ASAH2B: variants seen among roughly 807,000 people sequenced by gnomAD.
The protein encoded by ASAH2B is N-acylsphingosine amidohydrolase 2B.
A neutral mutation model predicts 2.9 loss-of-function variants in ASAH2B; 1 was observed. The ratio of observed to expected loss-of-function variants is 0.34; its 90% confidence interval spans 0.12 to 1.63. ASAH2B has a LOEUF of 1.63. ASAH2B is among the 40% of genes most tolerant of loss of function. The pLI is 0.36. For synonymous variants in ASAH2B, 4 were observed against 13.3 expected (o/e 0.30, Z 1.52); for missense variants, 9 against 37.7 (o/e 0.24, Z 1.99).
chr10:50,747,291 T>C (rs1839921935), intron 3 of ASAH2B, among the ~76,000 whole-genome samples: 2 of 151,506 alleles, frequency 1.3e-5, no homozygotes, highest in Admixed American at 1.3e-4. Context: ...AATCAATTTA[T>C]CATAAATGTG....
chr10:50,743,337 A>G (rs1471606051), intron 2 of ASAH2B, among the ~76,000 whole-genome samples: 2 of 151,198 alleles, frequency 1.3e-5, no homozygotes, highest in African/African-American at 4.9e-5. Flanking sequence ...AGGCTTGAAG[A>G]TAAGTGATGA....
Position 50,756,406 on chromosome 10 carries a change from CCA to C in ASAH2B, c.*1669_*1670del, listed in dbSNP as rs1207619483. The stretch of plus-strand genomic sequence containing the variant: ...TGTTGTGATCTTTTTTCTGATGACG[CCA>C]CAGTCTTCAGTGTAAAAGTTCAGAA... On this transcript the variant is annotated 3_prime_UTR_variant, in exon 6 of 6. Transcript: ENST00000647317. 3 of 151,802 alleles carry C rather than the reference CCA, an allele frequency of 2.0e-5. No homozygotes were observed. The highest frequency in any genetic ancestry group is 4.4e-5 in the Non-Finnish European group (3 of 67,814). The allele number at this position is 151,802 out of a possible 1,614,324, so 9.4% of individuals were successfully genotyped here. A position where few individuals can be genotyped will look rare whatever the true frequency, so the allele number is the denominator to read the frequency against.
chr10:50,745,588 T>G (rs1282185969), intron 3 of ASAH2B, among the ~76,000 whole-genome samples: 6 of 141,542 alleles, frequency 4.2e-5, no homozygotes, highest in Non-Finnish European at 7.7e-5. Context: ...GCAGAATTTG[T>G]ACCATTACTA....
At chr10:50,743,932 C>T (rs1564470206) in intron 2 of ASAH2B, among the ~76,000 whole-genome samples, 1 of 143,782 alleles carries the variant, frequency 7.0e-6, no homozygotes, top group South Asian at 2.3e-4. Flanking sequence ...ATCAGTCGAA[C>T]GTTGAAAATT....
At chr10:50,754,166 C>CACAT (rs1554805691) in intron 5 of ASAH2B, among the ~76,000 whole-genome samples, 118 of 144,492 alleles carry the variant, frequency 8.2e-4, no homozygotes, top group East Asian at 6.9e-3. Flanking sequence ...TACACACACA[C>CACAT]ATATATATAT....
At position 50,758,571 on chromosome 10, in the gene ASAH2B, C is replaced by A. The variant is rs1316203433; in HGVS notation, c.*3831C>A. ...AATAATATCTGCATATCCAAATTAACTGCTCTTTGAAATAATTAGAACTCG... is the reference window on the plus strand; with the variant it reads ...AATAATATCTGCATATCCAAATTAAATGCTCTTTGAAATAATTAGAACTCG... On this transcript the variant is annotated 3_prime_UTR_variant, in exon 6 of 6. Coordinates refer to ENST00000647317, the MANE Select transcript of ASAH2B (RefSeq NM_001321958.2). 1.3e-5 allele frequency: 2 copies of A among 150,812 alleles called. No individual in the cohort carries two copies. The highest frequency in any genetic ancestry group is 6.6e-5 in the Admixed American group (1 of 15,038). The allele number at this position is 150,812 out of a possible 1,614,324, so 9.3% of individuals were successfully genotyped here.
In ASAH2B at chr10:50,756,633, G is replaced by A. The variant is rs1183136344; in HGVS notation, c.*1893G>A. ...ATAGCTCACTGGCAACTGTACCAAG[G>A]TGGCCACTGTATCATCTACTGATCC... On this transcript the variant is annotated 3_prime_UTR_variant, in exon 6 of 6. Transcript: ENST00000647317. 1 of 151,962 alleles carries A rather than the reference G, an allele frequency of 6.6e-6. No individual in the cohort carries two copies. Among genetic ancestry groups the A allele is most frequent in the Non-Finnish European group, 1.5e-5 (1 of 67,902 alleles). 9.4% of individuals were successfully genotyped at this position (151,962 alleles called of 1,614,324 possible).
rs1837104665 is a variant in ASAH2B at position 50,756,877 on chromosome 10, G to A, written c.*2137G>A. On this transcript the variant is annotated 3_prime_UTR_variant, in exon 6 of 6. Coordinates refer to ENST00000647317, the MANE Select transcript of ASAH2B (RefSeq NM_001321958.2). ...ATATAAAAACACAGATCCAATTCGT[G>A]TCTGTGGATGCTGCAAGGACTGGCT... 2.6e-5 allele frequency: 4 copies of A among 151,828 alleles called. No homozygotes were observed. Among genetic ancestry groups the A allele is most frequent in the Admixed American group, 2.6e-4 (4 of 15,220 alleles). The allele number at this position is 151,828 out of a possible 1,614,324, so 9.4% of individuals were successfully genotyped here.
rs995836361 is a variant in ASAH2B at position 50,757,456 on chromosome 10, A to C, written c.*2716A>C. The stretch of plus-strand genomic sequence containing the variant: ...GGGCAAAAAAATTTCCTAGGCAGGT[A>C]GCTAACTATGAAATTGTTTCCTGCG... On this transcript the variant is annotated 3_prime_UTR_variant, in exon 6 of 6. Coordinates refer to ENST00000647317, the MANE Select transcript of ASAH2B (RefSeq NM_001321958.2). 6.6e-5 allele frequency: 10 copies of C among 150,858 alleles called. No individual in the cohort carries two copies. Among genetic ancestry groups the C allele is most frequent in the Admixed American group, 3.3e-4 (5 of 15,024 alleles). 9.3% of individuals were successfully genotyped at this position (150,858 alleles called of 1,614,324 possible).
In ASAH2B at chr10:50,756,302, C is replaced by A. The variant is rs1361601103; in HGVS notation, c.*1562C>A. 2 of 151,534 alleles carry A rather than the reference C, an allele frequency of 1.3e-5. No homozygotes were observed. Among genetic ancestry groups the A allele is most frequent in the South Asian group, 2.1e-4 (1 of 4,822 alleles). 9.4% of individuals were successfully genotyped at this position (151,534 alleles called of 1,614,324 possible). A position where few individuals can be genotyped will look rare whatever the true frequency, so the allele number is the denominator to read the frequency against. The stretch of plus-strand genomic sequence containing the variant: ...ATTGAATTAGAATGAACCTGGAACA[C>A]TTTTTGATGAATTGGTATCCTAGAG... On this transcript the variant is annotated 3_prime_UTR_variant, in exon 6 of 6. Coordinates refer to ENST00000647317, the MANE Select transcript of ASAH2B (RefSeq NM_001321958.2).
intron 3 of ASAH2B, among the ~76,000 whole-genome samples, chr10:50,746,952 T>G (rs1048533329): frequency 1.3e-5 from 2 of 150,808 alleles, no homozygotes; most frequent in East Asian, 3.9e-4. Context: ...TTCTTTAGGT[T>G]GTCTCCTCAC....
At chr10:50,746,086 T>A (rs1839900960) in intron 3 of ASAH2B, among the ~76,000 whole-genome samples, 1 of 151,456 alleles carries the variant, frequency 6.6e-6, no homozygotes, top group South Asian at 2.1e-4. Context: ...CTCTTGAACT[T>A]ATTCCCTTTG....
chr10:50,754,923 TG>T lies in ASAH2B; in HGVS notation c.*184del. 1 of 359,678 alleles carries T rather than the reference TG, an allele frequency of 2.8e-6. No homozygotes were observed. Among genetic ancestry groups the T allele is most frequent in the Non-Finnish European group, 5.2e-6 (1 of 190,630 alleles). The allele number at this position is 359,678 out of a possible 1,614,324, so 22.3% of individuals were successfully genotyped here. A position where few individuals can be genotyped will look rare whatever the true frequency, so the allele number is the denominator to read the frequency against. On this transcript the variant is annotated 3_prime_UTR_variant, in exon 6 of 6. Transcript: ENST00000647317. ...GTGTGTGTGTGTGTGTGTGTGTGTG[TG>T]TGTGTGTGTGTGTATGTGAGAGAGA... is the stretch of plus-strand genomic sequence containing the variant.
At chr10:50,743,625 G>A (rs1171657772) in intron 2 of ASAH2B, 1 of 152,434 alleles carries the variant, frequency 6.6e-6, no homozygotes, top group Non-Finnish European at 1.5e-5. Context: ...TAAAAACATT[G>A]CATCTACCTA....
chr10:50,743,880 T>C (rs1839869462), intron 2 of ASAH2B: 1 of 151,558 alleles, frequency 6.6e-6, no homozygotes, highest in African/African-American at 2.4e-5. Context: ...AGCTTGGATA[T>C]ATTAAATTGA....
intron 1 of ASAH2B, among the ~76,000 whole-genome samples, chr10:50,740,365 G>T (rs1839810322): frequency 6.6e-6 from 1 of 151,958 alleles, no homozygotes; most frequent in South Asian, 2.1e-4. Context: ...ACATAACCTC[G>T]GAAATCCCAC....
At chr10:50,747,302 A>C (rs564800238) in intron 3 of ASAH2B, among the ~76,000 whole-genome samples, 47 of 151,056 alleles carry the variant, frequency 3.1e-4, no homozygotes, top group African/African-American at 9.1e-4. Flanking sequence ...CATAAATGTG[A>C]GGGCTTATTT....
intron 2 of ASAH2B, among the ~76,000 whole-genome samples, chr10:50,743,947 A>AT (rs1342875827): frequency 2.4e-5 from 2 of 82,678 alleles, no homozygotes; most frequent in Non-Finnish European, 3.3e-5. Flanking sequence ...AAAATTTCAT[A>AT]TGCCTGTATT....
At chr10:50,746,122 A>T (rs553769683) in intron 3 of ASAH2B, among the ~76,000 whole-genome samples, 6 of 151,554 alleles carry the variant, frequency 4.0e-5, no homozygotes, top group Admixed American at 3.9e-4. Context: ...ATATTCTTTG[A>T]TCAATAGAAT....
Sources: gnomAD v4.1 joint callset for allele counts (sites outside exome capture counted in the v4.1 genomes callset) on GRCh38, gnomAD v4.1.1 for gene constraint, MANE v1.5 for transcripts, NCBI Gene and HGNC (gene_info 2026-07-23, HGNC 2026-07-21) for gene names.